Variants in WWOX observed in about 807,000 individuals in gnomAD.
The protein encoded by WWOX is WW domain-containing oxidoreductase.
Under a neutral mutation model 46.2 loss-of-function variants are expected in WWOX, and 69 were observed. The ratio of observed to expected loss-of-function variants is 1.49; its 90% CI spans 1.23 to 1.82. WWOX has a LOEUF of 1.82. WWOX is among the 40% of genes most tolerant of loss of function. The probability of loss-of-function intolerance (pLI) is 0.00; values close to 1 mark genes in which losing one functional copy is unlikely to be tolerated. For missense variants in WWOX, 919 were observed against 542.6 expected, an observed-to-expected ratio of 1.69 and a Z score of -6.89; for synonymous variants, 359 against 202.6, an observed-to-expected ratio of 1.77 and a Z score of -6.56.
At chr16:78,803,607 C>G (rs2050952698) in intron 8 of WWOX, among the ~76,000 whole-genome samples, 1 of 152,014 alleles carries the variant, frequency 6.6e-6, no homozygotes, top group African/African-American at 2.4e-5. Flanking sequence ...ACCACCATAC[C>G]TGGACATGTT....
chr16:78,570,746 T>G (rs1225407399), intron 8 of WWOX, among the ~76,000 whole-genome samples: 1 of 152,054 alleles, frequency 6.6e-6, no homozygotes, highest in Non-Finnish European at 1.5e-5. Flanking sequence ...AAAAAATCAG[T>G]AAACACCAAG....
At chr16:78,597,764 A>G (rs879776078) in intron 8 of WWOX, among the ~76,000 whole-genome samples, 82 of 95,372 alleles carry the variant, frequency 8.6e-4, no homozygotes, top group Admixed American at 1.7e-3. Flanking sequence ...ATATGTGTAT[A>G]TATATATATA....
At chr16:79,175,026 C>G (rs975922674) in intron 8 of WWOX, among the ~76,000 whole-genome samples, 1 of 152,188 alleles carries the variant, frequency 6.6e-6, no homozygotes, top group African/African-American at 2.4e-5. Context: ...TTATTAACTT[C>G]TAACCTCCCT....
chr16:78,362,957 G>T (rs996257394), intron 5 of WWOX, among the ~76,000 whole-genome samples: 2 of 152,132 alleles, frequency 1.3e-5, no homozygotes, highest in Non-Finnish European at 1.5e-5. Flanking sequence ...CCAGAGGAAG[G>T]CCTCTGATTC....
At chr16:78,561,928 A>G (rs2044448373) in intron 8 of WWOX, among the ~76,000 whole-genome samples, 1 of 151,976 alleles carries the variant, frequency 6.6e-6, no homozygotes, top group South Asian at 2.1e-4. Flanking sequence ...TCTCTATCTA[A>G]TTTCCCATTA....
At chr16:78,899,441 G>A (rs1473380042) in intron 8 of WWOX, 1 of 152,134 alleles carries the variant, frequency 6.6e-6, no homozygotes, top group Non-Finnish European at 1.5e-5. Context: ...TCCTTTATCT[G>A]TAACTGGAAA....
chr16:78,693,276 C>T (rs2048030204), intron 8 of WWOX, among the ~76,000 whole-genome samples: 1 of 152,154 alleles, frequency 6.6e-6, no homozygotes, highest in South Asian at 2.1e-4. Flanking sequence ...GTCTAGCCTA[C>T]AAAGAGAATG....
chr16:79,067,050 C>T (rs113382628), intron 8 of WWOX, among the ~76,000 whole-genome samples: 130 of 152,194 alleles, frequency 8.5e-4, no homozygotes, highest in African/African-American at 2.8e-3. Flanking sequence ...AGGGAGCATC[C>T]GCGAAATGAA....
chr16:78,192,043 C>T (rs1248545528), intron 5 of WWOX, among the ~76,000 whole-genome samples: 2 of 152,038 alleles, frequency 1.3e-5, no homozygotes, highest in Admixed American at 6.6e-5. Flanking sequence ...CTCTGTGTTT[C>T]TATTTCTTTG....
At chr16:78,587,066 C>G (rs773176165) in intron 8 of WWOX, among the ~76,000 whole-genome samples, 47 of 152,110 alleles carry the variant, frequency 3.1e-4, no homozygotes, top group Non-Finnish European at 5.3e-4. Context: ...CACCCTGTTG[C>G]CCAGGCTGGA....
At chr16:78,872,468 C>A (rs1447385427) in intron 8 of WWOX, among the ~76,000 whole-genome samples, 1 of 152,084 alleles carries the variant, frequency 6.6e-6, no homozygotes, top group Admixed American at 6.5e-5. Context: ...CAGTGAATTA[C>A]AGTGGGGGAT....
At chr16:79,154,669 G>A (rs370976258) in intron 8 of WWOX, among the ~76,000 whole-genome samples, 2 of 152,172 alleles carry the variant, frequency 1.3e-5, no homozygotes, top group Non-Finnish European at 1.5e-5. Context: ...GATGTACACT[G>A]TAAAACAACC....
intron 8 of WWOX, among the ~76,000 whole-genome samples, chr16:78,884,085 C>G (rs970466266): frequency 6.6e-6 from 1 of 151,942 alleles, no homozygotes; most frequent in Non-Finnish European, 1.5e-5. Flanking sequence ...TCAAGACCAG[C>G]TGGGCCAACA....
chr16:78,421,759 T>G (rs999151154), intron 6 of WWOX, among the ~76,000 whole-genome samples: 1 of 152,162 alleles, frequency 6.6e-6, no homozygotes, highest in African/African-American at 2.4e-5. Flanking sequence ...TGATCTGCTT[T>G]TTACAGTCAT....
chr16:79,045,427 G>T (rs374624858), intron 8 of WWOX, among the ~76,000 whole-genome samples: 7 of 152,192 alleles, frequency 4.6e-5, no homozygotes, highest in Non-Finnish European at 7.3e-5. Flanking sequence ...CATGATCTGC[G>T]TGGGTGAGAG....
At chr16:78,495,159 T>TTTTTTTTTG (rs1567605705) in intron 8 of WWOX, among the ~76,000 whole-genome samples, 1 of 148,900 alleles carries the variant, frequency 6.7e-6, no homozygotes, top group Non-Finnish European at 1.5e-5. Flanking sequence ...TTTTTTTTTT[T>TTTTTTTTTG]GAGATAGACT....
intron 5 of WWOX, among the ~76,000 whole-genome samples, chr16:78,329,048 A>T (rs566082683): frequency 6.6e-6 from 1 of 151,894 alleles, no homozygotes; most frequent in African/African-American, 2.4e-5. Flanking sequence ...TTTTCGTAGG[A>T]CGAGGTTTCA....
At chr16:78,736,465 C>T (rs994554925) in intron 8 of WWOX, among the ~76,000 whole-genome samples, 1 of 152,192 alleles carries the variant, frequency 6.6e-6, no homozygotes, top group African/African-American at 2.4e-5. Flanking sequence ...CCTTTGCTCT[C>T]TCCTGACCAC....
chr16:78,766,227 T>C (rs1409447576), intron 8 of WWOX, among the ~76,000 whole-genome samples: 1 of 152,192 alleles, frequency 6.6e-6, no homozygotes, highest in Non-Finnish European at 1.5e-5. Flanking sequence ...TTCCACCAGG[T>C]AAACTTGAAT....
Sources: allele counts gnomAD v4.1 joint callset (sites outside exome capture counted in the v4.1 genomes callset), GRCh38; gene constraint gnomAD v4.1.1; transcripts MANE v1.5; gene names NCBI Gene and HGNC (gene_info 2026-07-23, HGNC 2026-07-21).